Variants in MTRFR observed in about 807,000 individuals in gnomAD.
MTRFR encodes the protein mitochondrial translation release factor in rescue, also known as probable peptide chain release factor C12orf65, mitochondrial.
A neutral mutation model predicts 11.9 loss-of-function variants in MTRFR; 10 were observed. That is an observed-to-expected ratio of 0.84 (90% confidence interval 0.52 to 1.42). The LOEUF (loss-of-function observed/expected upper bound fraction) is 1.42. MTRFR is among the 40% of genes most tolerant of loss of function. MTRFR has a pLI of 0.00. For synonymous variants in MTRFR, 77 were observed against 79.1 expected, an observed-to-expected ratio of 0.97 and a Z score of 0.14; for missense variants, 196 against 197.9, an observed-to-expected ratio of 0.99 and a Z score of 0.06.
chr12:123,234,253 GACTT>G (rs1385576691), intron 1 of MTRFR, among the ~76,000 whole-genome samples: 1 of 152,178 alleles, frequency 6.6e-6, no homozygotes, highest in Non-Finnish European at 1.5e-5. Flanking sequence ...ACAGTAAAGG[GACTT>G]CCCTGGCACT....
intron 1 of MTRFR, among the ~76,000 whole-genome samples, chr12:123,237,290 C>T (rs1175305661): frequency 1.3e-5 from 2 of 152,166 alleles, no homozygotes; most frequent in African/African-American, 2.4e-5. Flanking sequence ...ATTAGCCGGG[C>T]ATGATGGCAG....
chr12:123,243,634 G>A (rs1281571489), intron 1 of MTRFR, among the ~76,000 whole-genome samples: 3 of 152,132 alleles, frequency 2.0e-5, no homozygotes, highest in Non-Finnish European at 4.4e-5. Context: ...GAACCCAGGA[G>A]GCGGAGGTTG....
chr12:123,234,709 T>C (rs920533107), intron 1 of MTRFR, among the ~76,000 whole-genome samples: 1 of 152,182 alleles, frequency 6.6e-6, no homozygotes, highest in African/African-American at 2.4e-5. Flanking sequence ...TTTCAAAGGG[T>C]AAATTTGATG....
At chr12:123,248,682 A>C (rs1316176771) in intron 1 of MTRFR, 1 of 152,144 alleles carries the variant, frequency 6.6e-6, no homozygotes, top group African/African-American at 2.4e-5. Flanking sequence ...TACCACAAAG[A>C]CCAAAAGAAC....
At chr12:123,236,510 C>A (rs1036267578) in intron 1 of MTRFR, among the ~76,000 whole-genome samples, 35 of 151,572 alleles carry the variant, frequency 2.3e-4, no homozygotes, top group African/African-American at 8.2e-4. Flanking sequence ...AAGAAGCTTG[C>A]TTGAGCCCAG....
At chr12:123,238,929 C>G (rs1043856527) in intron 1 of MTRFR, among the ~76,000 whole-genome samples, 1 of 152,042 alleles carries the variant, frequency 6.6e-6, no homozygotes, top group African/African-American at 2.4e-5. Flanking sequence ...ATGACCATAA[C>G]CTAGAATTTG....
intron 1 of MTRFR, 100 bp from the exon 2 acceptor site, chr12:123,253,547 A>G: frequency 8.7e-7 from 1 of 1,152,018 alleles, no homozygotes; most frequent in South Asian, 1.3e-5. Flanking sequence ...CAGATGGGTC[A>G]TCATTTGAAT....
Position 123,256,829 on chromosome 12 carries a change from C to A in MTRFR, c.299C>A (p.Ser100Ter). ...GIVVKCHQTR[S>*]VDQNRKLARK... ...CTCTTACAGTGCCATCAGACAAGATCAGTTGATCAGAACAGAAAGCTAGCT... is the reference window on the plus strand; with the variant it reads ...CTCTTACAGTGCCATCAGACAAGATAAGTTGATCAGAACAGAAAGCTAGCT... Residue 100 changes from serine (S) to a stop codon, truncating the protein, a stop_gained, in exon 3 of 3, where the codon TCA (serine) becomes TAA (stop). Transcript: ENST00000253233. LOFTEE classifies it high-confidence loss of function. The A allele has an allele frequency of 6.2e-7, 1 of 1,612,446 alleles. No homozygotes were observed. The highest frequency in any genetic ancestry group is 1.1e-5 in the South Asian group (1 of 90,954).
chr12:123,244,843 G>A (rs951522425), intron 1 of MTRFR, among the ~76,000 whole-genome samples: 31 of 150,932 alleles, frequency 2.1e-4, no homozygotes, highest in Non-Finnish European at 3.1e-4. Flanking sequence ...ATGTTGGTCA[G>A]GCTGGTCTCG....
intron 1 of MTRFR, among the ~76,000 whole-genome samples, chr12:123,247,455 C>G (rs1335283763): frequency 6.6e-6 from 1 of 152,138 alleles, no homozygotes; most frequent in Non-Finnish European, 1.5e-5. Context: ...TTGTCTGATA[C>G]AAGAATAGCT....
At chr12:123,252,483 T>C (rs958049120) in intron 1 of MTRFR, 2 of 151,694 alleles carry the variant, frequency 1.3e-5, no homozygotes, top group African/African-American at 4.8e-5. Context: ...TGAGTACCAG[T>C]TGGACCACGT....
chr12:123,255,057 A>T (rs1179100846), intron 2 of MTRFR: 1 of 152,190 alleles, frequency 6.6e-6, no homozygotes, highest in Non-Finnish European at 1.5e-5. Context: ...ATATAACGAT[A>T]CTGGCAGCAG....
At chr12:123,247,395 T>C (rs115790162) in intron 1 of MTRFR, among the ~76,000 whole-genome samples, 1,661 of 152,284 alleles carry the variant, frequency 0.011, 27 homozygotes, top group African/African-American at 0.037. Context: ...CTTATTACCA[T>C]TATATAATGT....
chr12:123,254,072 GC>G, intron 2 of MTRFR, 116 bp downstream of exon 2: 2 of 1,295,324 alleles, frequency 1.5e-6, no homozygotes, highest in Non-Finnish European at 2.1e-6. Context: ...TCTGGCTTGG[GC>G]CACCCTCTAC....
intron 1 of MTRFR, chr12:123,249,129 C>T (rs2048081869): frequency 6.6e-6 from 1 of 152,266 alleles, no homozygotes; most frequent in African/African-American, 2.4e-5. Context: ...GAGCTAGACA[C>T]AGGGTGCTGA....
At chr12:123,251,905 T>G (rs2048117411) in intron 1 of MTRFR, 1 of 152,390 alleles carries the variant, frequency 6.6e-6, no homozygotes, top group Admixed American at 6.5e-5. Context: ...GGTCCCAAAA[T>G]AGGCTGTCTA....
At chr12:123,242,896 G>A (rs1879379) in intron 1 of MTRFR, among the ~76,000 whole-genome samples, 79,417 of 152,044 alleles carry the variant, frequency 0.52, 24,947 homozygotes, top group East Asian at 0.7. Flanking sequence ...TCAGAAGTGC[G>A]GGGCTCATGT....
chr12:123,255,222 C>T (rs978077231), intron 2 of MTRFR, among the ~76,000 whole-genome samples: 2 of 152,130 alleles, frequency 1.3e-5, no homozygotes, highest in African/African-American at 2.4e-5. Flanking sequence ...TCCTGCCACT[C>T]AGTAGTCAGT....
chr12:123,255,355 G>GT (rs1426972593), intron 2 of MTRFR, among the ~76,000 whole-genome samples: 1 of 152,200 alleles, frequency 6.6e-6, no homozygotes, highest in African/African-American at 2.4e-5. Flanking sequence ...TCATTCATGA[G>GT]TAACAAAATT....
Sources: gnomAD v4.1 joint callset for allele counts (sites outside exome capture counted in the v4.1 genomes callset) on GRCh38, gnomAD v4.1.1 for gene constraint, MANE v1.5 for transcripts, NCBI Gene and HGNC (gene_info 2026-07-23, HGNC 2026-07-21) for gene names.